The following ZNF510 variants were observed in gnomAD, a reference collection of about 807,000 sequenced individuals.
ZNF510 encodes the protein zinc finger protein 510.
In ZNF510, 15 loss-of-function variants were observed where a neutral mutation model predicts 18.1. That is an observed-to-expected ratio of 0.83 (90% CI 0.55 to 1.28). ZNF510 has a LOEUF of 1.28. Among genes scored for constraint, ZNF510 ranks in the 50% most tolerant of loss-of-function variants. The pLI is 0.00. For synonymous variants in ZNF510, 261 were observed against 266.4 expected, an observed-to-expected ratio of 0.98 and a Z score of 0.20; for missense variants, 724 against 791.8, an observed-to-expected ratio of 0.91 and a Z score of 1.03.
At chr9:96,769,422 CAA>C (rs1201390734) in intron 3 of ZNF510, among the ~76,000 whole-genome samples, 1 of 142,760 alleles carries the variant, frequency 7.0e-6, no homozygotes, top group African/African-American at 2.7e-5. Context: ...GGGCAACAGA[CAA>C]AGATTCCGTC....
chr9:96,763,242 G>T lies in ZNF510; in HGVS notation c.257-29C>A. On this transcript the variant is annotated intron_variant, in intron 4 of 5. Coordinates refer to ENST00000223428, the MANE Select transcript of ZNF510 (RefSeq NM_014930.3). Reference sequence around the variant, plus strand: ...TTAATAAAACACAATCGAGGACTTAGACCAGATATATGAGATTTTAGTCTC... The same window carrying T: ...TTAATAAAACACAATCGAGGACTTATACCAGATATATGAGATTTTAGTCTC... 1.9e-6 allele frequency: 3 copies of T among 1,604,080 alleles called. No homozygotes were observed. In the South Asian group the frequency reaches 3.3e-5, roughly 18 times the overall value.
Position 96,758,339 on chromosome 9 carries a change from A to C in ZNF510, c.*439T>G, listed in dbSNP as rs1338417901. On this transcript the variant is annotated 3_prime_UTR_variant, in exon 6 of 6. Coordinates refer to ENST00000223428, the MANE Select transcript of ZNF510 (RefSeq NM_014930.3). ...TTATTAGGGAAGTCTCTTATGTTTC[A>C]GACTGGGATGTGATATACATCATGG... 19 of 156,976 alleles carry C rather than the reference A, an allele frequency of 1.2e-4. No individual in the cohort carries two copies. Among genetic ancestry groups the C allele is most frequent in the Admixed American group, 1.2e-3 (19 of 15,916 alleles). 9.7% of individuals were successfully genotyped at this position (156,976 alleles called of 1,614,324 possible).
chr9:96,775,881 C>A, intron 2 of ZNF510, 119 bp downstream of exon 2: 2 of 1,314,028 alleles, frequency 1.5e-6, no homozygotes, highest in Non-Finnish European at 1.0e-6. Context: ...GGATTAGAGA[C>A]AATTTCCTCA....
At chr9:96,768,235 T>A (rs1260601793) in intron 3 of ZNF510, among the ~76,000 whole-genome samples, 1 of 152,154 alleles carries the variant, frequency 6.6e-6, no homozygotes, top group African/African-American at 2.4e-5. Flanking sequence ...TAAAAAGCAT[T>A]TCTGAAAAAC....
rs942388708 is a variant in ZNF510 at position 96,764,340 on chromosome 9, C to T, written c.130-708G>A. Among the ~76,000 whole-genome samples the T allele has an allele frequency of 1.5e-4, 23 of 152,302 alleles. No individual in the cohort carries two copies. In the South Asian group the frequency reaches 3.5e-3, roughly 23 times the overall value. ...GTTTTTTGTGTATGTGTGGTAAAGA[C>T]AGTGTCTTGCTATGTTGCCTAGGCT... On this transcript the variant is annotated intron_variant, in intron 3 of 5. Transcript: ENST00000223428.
Position 96,761,498 on chromosome 9 carries a change from A to T in ZNF510, c.353-1021T>A, listed in dbSNP as rs566339726. On this transcript the variant is annotated intron_variant, in intron 5 of 5. Coordinates refer to ENST00000223428, the MANE Select transcript of ZNF510 (RefSeq NM_014930.3). ...ATACTATTAAGTGAACACTCATGGA[A>T]TCAGAAACCATGTCATGAAACACAA... 9.2e-5 allele frequency among the ~76,000 whole-genome samples: 14 copies of T among 152,128 alleles called. No homozygotes were observed. In the South Asian group the frequency reaches 2.7e-3, roughly 29 times the overall value.
chr9:96,767,468 G>C (rs2118008244), intron 3 of ZNF510, among the ~76,000 whole-genome samples: 2 of 152,264 alleles, frequency 1.3e-5, no homozygotes, highest in African/African-American at 4.8e-5. Flanking sequence ...GAAATTTATA[G>C]CTGTAACACC....
chr9:96,765,464 AT>A (rs1588128784), intron 3 of ZNF510, among the ~76,000 whole-genome samples: 2 of 151,454 alleles, frequency 1.3e-5, no homozygotes, highest in East Asian at 3.9e-4. Context: ...TTCTCAGTCT[AT>A]TTAGTGCCAT....
chr9:96,765,983 C>T (rs1849461941), intron 3 of ZNF510, among the ~76,000 whole-genome samples: 1 of 152,048 alleles, frequency 6.6e-6, no homozygotes, highest in African/African-American at 2.4e-5. Context: ...TATAAACCAA[C>T]AATATTAAAT....
chr9:96,772,513 T>C (rs963484499), intron 3 of ZNF510, among the ~76,000 whole-genome samples: 2 of 152,258 alleles, frequency 1.3e-5, no homozygotes, highest in Admixed American at 6.5e-5. Context: ...ACTGAAAATA[T>C]TGAAATAATT....
chr9:96,761,205 C>T (rs1015028409), intron 5 of ZNF510, among the ~76,000 whole-genome samples: 2 of 152,148 alleles, frequency 1.3e-5, no homozygotes, highest in South Asian at 2.1e-4. Context: ...TTTATTCCAT[C>T]AGAACTAAGT....
rs1440888866 is a variant in ZNF510, at chr9:96,774,951, T to G, written c.71-105A>C. 4.4e-6 allele frequency: 4 copies of G among 912,902 alleles called. No homozygotes were observed. In the African/African-American group the frequency reaches 6.7e-5, roughly 15 times the overall value. The allele number at this position is 912,902 out of a possible 1,614,324, so 56.6% of individuals were successfully genotyped here. On this transcript the variant is annotated intron_variant, in intron 2 of 5. Transcript: ENST00000223428. The stretch of plus-strand genomic sequence containing the variant: ...GAAAAAGGCCTCTCTACAAAAAATG[T>G]TCCTTTGACCTTTGAGAAGGGACAA...
Position 96,759,314 on chromosome 9 carries a change from G to A in ZNF510, c.1516C>T (p.His506Tyr). The change falls in exon 6 of 6, where the codon CAT (histidine) becomes TAT (tyrosine). Residue 506 changes from histidine (H) to tyrosine (Y), a missense_variant. By Grantham distance (83) the His-to-Tyr change is moderately conservative. Coordinates refer to ENST00000223428, the MANE Select transcript of ZNF510 (RefSeq NM_014930.3). The part of the protein sequence containing the change: ...TFVQKSTLRD[H>Y]HRIHTGEKSF... ...TTCTCCCCTGTGTGAATTCTGTGAT[G>A]ATCTCTGAGGGTGGACTTCTGAACA... 1 of 1,614,134 alleles carries A rather than the reference G, an allele frequency of 6.2e-7. No homozygotes were observed. Among genetic ancestry groups the A allele is most frequent in the Non-Finnish European group, 8.5e-7 (1 of 1,180,002 alleles).
intron 3 of ZNF510, among the ~76,000 whole-genome samples, chr9:96,772,428 A>ATAT (rs1485399686): frequency 6.6e-6 from 1 of 152,214 alleles, no homozygotes; most frequent in African/African-American, 2.4e-5. Flanking sequence ...GTTGTCAAAT[A>ATAT]TATTATTTAA....
At chr9:96,774,755 C>A (rs1251582645) in intron 3 of ZNF510, 33 bp downstream of exon 3, 2 of 1,583,100 alleles carry the variant, frequency 1.3e-6, no homozygotes. Context: ...CCTATGAAAT[C>A]CATGATGAAA....
chr9:96,758,677 G>T lies in ZNF510; in HGVS notation c.*101C>A. The stretch of plus-strand genomic sequence containing the variant: ...TGATTCACAGTGAGGGTTTACTTCT[G>T]GGACTGTCTTCTTACATTCACTACC... On this transcript the variant is annotated 3_prime_UTR_variant, in exon 6 of 6. Coordinates refer to ENST00000223428, the MANE Select transcript of ZNF510 (RefSeq NM_014930.3). 1 of 1,207,918 alleles carries T rather than the reference G, an allele frequency of 8.3e-7. No individual in the cohort carries two copies. Among genetic ancestry groups the T allele is most frequent in the Non-Finnish European group, 1.1e-6 (1 of 873,918 alleles). The allele number at this position is 1,207,918 out of a possible 1,614,324, so 74.8% of individuals were successfully genotyped here. A position where few individuals can be genotyped will look rare whatever the true frequency, so the allele number is the denominator to read the frequency against.
At chr9:96,766,595 T>C (rs917104642) in intron 3 of ZNF510, among the ~76,000 whole-genome samples, 3 of 150,610 alleles carry the variant, frequency 2.0e-5, no homozygotes, top group Admixed American at 6.6e-5. Flanking sequence ...GACTGACATA[T>C]ATAGGATAAC....
intron 3 of ZNF510, among the ~76,000 whole-genome samples, chr9:96,765,406 G>A (rs1304373699): frequency 6.6e-6 from 1 of 152,074 alleles, no homozygotes. Flanking sequence ...GCTCAACAAG[G>A]TGATCTGCTT....
chr9:96,759,546 T>G lies in ZNF510; in HGVS notation c.1284A>C (p.Gly428=), dbSNP rs1849287941. ...ATTCACTACATTCAAATGGTTTCTC[T>G]CCTGTGTGAGTTCTCTGATGTTGAA... ...HLIQHQRTHT[G]EKPFECSECG... is the part of the protein sequence containing the mutation. Residue 428 remains glycine (G), a synonymous_variant, in exon 6 of 6, where the codon GGA becomes GGC. Coordinates refer to ENST00000223428, the MANE Select transcript of ZNF510 (RefSeq NM_014930.3). The G allele has an allele frequency of 3.7e-6, 6 of 1,614,056 alleles. No individual in the cohort carries two copies. In the African/African-American group the frequency reaches 6.7e-5, roughly 18 times the overall value.
Sources: gnomAD v4.1 joint callset for allele counts (sites outside exome capture counted in the v4.1 genomes callset) on GRCh38, gnomAD v4.1.1 for gene constraint, MANE v1.5 for transcripts, NCBI Gene and HGNC (gene_info 2026-07-23, HGNC 2026-07-21) for gene names.